Variants in PLBD1 observed in about 807,000 individuals in gnomAD.
The protein encoded by PLBD1 is phospholipase B domain containing 1, also known as lysosomal leucine aminopeptidase.
A neutral mutation model predicts 63.0 loss-of-function variants in PLBD1; 60 were observed. The observed-to-expected ratio is 0.95, with a 90% confidence interval of 0.77 to 1.18. PLBD1 has a LOEUF of 1.18. Among genes scored for constraint, PLBD1 ranks in the 50% most tolerant of loss-of-function variants. PLBD1 has a pLI of 0.00. For missense variants in PLBD1, 598 were observed against 677.9 expected (o/e 0.88, Z 1.31); for synonymous variants, 262 against 248.0 (o/e 1.06, Z -0.53).
At chr12:14,520,948 G>C (rs533208356) in intron 6 of PLBD1, among the ~76,000 whole-genome samples, 1 of 152,284 alleles carries the variant, frequency 6.6e-6, no homozygotes, top group East Asian at 1.9e-4. Context: ...TCTCCTCTGT[G>C]ATCTAAGCTG....
chr12:14,545,537 C>T (rs1369101625), intron 2 of PLBD1, among the ~76,000 whole-genome samples: 2 of 152,196 alleles, frequency 1.3e-5, no homozygotes, highest in East Asian at 3.9e-4. Context: ...AGTCCCTGCA[C>T]CCTCTGGACT....
At position 14,567,625 on chromosome 12, in the gene PLBD1, CA is replaced by C. The variant is rs1945804580; in HGVS notation, c.71del (p.Leu24ArgfsTer6). The C allele has an allele frequency of 2.5e-6, 3 of 1,197,072 alleles. No homozygotes were observed. The highest frequency in any genetic ancestry group is 2.4e-5 in the Admixed American group (1 of 41,068). The allele number at this position is 1,197,072 out of a possible 1,614,324, so 74.2% of individuals were successfully genotyped here. A position where few individuals can be genotyped will look rare whatever the true frequency, so the allele number is the denominator to read the frequency against. ...QPPPLLLLLL[L>X]LPLLLVTAEP... Reference sequence around the variant, plus strand: ...CCGCGGTGACTAACAACAGCGGCAGCAGCAGCAGCAGCAGCAGAAGCGGTGG... The same window carrying C: ...CCGCGGTGACTAACAACAGCGGCAGCGCAGCAGCAGCAGCAGAAGCGGTGG... On this transcript the variant is annotated frameshift_variant, in exon 1 of 11. Transcript: ENST00000240617. LOFTEE classifies it high-confidence loss of function.
intron 2 of PLBD1, among the ~76,000 whole-genome samples, chr12:14,544,898 T>C (rs1945605386): frequency 6.6e-6 from 1 of 152,208 alleles, no homozygotes; most frequent in African/African-American, 2.4e-5. Flanking sequence ...TGTTAAACCA[T>C]TCTAAAAATT....
rs74450244 is a variant in PLBD1, at chr12:14,560,637, C to G, written c.115+6945G>C. Among the ~76,000 whole-genome samples, 1,280 of 152,240 alleles carry G rather than the reference C, an allele frequency of 8.4e-3. 11 individuals are homozygous for G. Among genetic ancestry groups the G allele is most frequent in the African/African-American group, 0.029 (1,193 of 41,544 alleles). ...TTTTGGATTTGTTTTGACTCTTCAT[C>G]GGAGTCACTAACGAAATAACTGATT... On this transcript the variant is annotated intron_variant, in intron 1 of 10. Transcript: ENST00000240617.
chr12:14,522,628 T>C (rs1290538338), intron 6 of PLBD1, among the ~76,000 whole-genome samples: 1 of 152,006 alleles, frequency 6.6e-6, no homozygotes, highest in African/African-American at 2.4e-5. Context: ...ATTTAAAAAC[T>C]GAATTCAACA....
In PLBD1 at chr12:14,522,411, C is replaced by CTGAT. The variant is rs138634696; in HGVS notation, c.845-10704_845-10701dup. On this transcript the variant is annotated intron_variant, in intron 6 of 10. Transcript: ENST00000240617. ...AAAAGCCGAAGACCCAATGGCCTCA[C>CTGAT]TGATGAGTTCTACCAAACATTAAAG... 8.3e-3 allele frequency among the ~76,000 whole-genome samples: 1,270 copies of CTGAT among 152,222 alleles called. 17 individuals carry two copies. The highest frequency in any genetic ancestry group is 0.029 in the African/African-American group (1,204 of 41,538).
At chr12:14,509,044 G>A (rs577323564) in intron 8 of PLBD1, among the ~76,000 whole-genome samples, 1 of 150,358 alleles carries the variant, frequency 6.7e-6, no homozygotes, top group East Asian at 2.0e-4. Context: ...TCATGTATTT[G>A]TTTGGGCAAA....
chr12:14,508,823 T>C (rs1945274501), intron 8 of PLBD1, among the ~76,000 whole-genome samples: 1 of 152,146 alleles, frequency 6.6e-6, no homozygotes, highest in Non-Finnish European at 1.5e-5. Context: ...AACCTGATGA[T>C]GTATAAGTAT....
intron 6 of PLBD1, among the ~76,000 whole-genome samples, chr12:14,522,662 C>A (rs1172978770): frequency 6.6e-6 from 1 of 152,012 alleles, no homozygotes; most frequent in Non-Finnish European, 1.5e-5. Context: ...AATCACTCAC[C>A]ATAATAAATG....
chr12:14,559,148 A>G (rs1387811024), intron 1 of PLBD1, among the ~76,000 whole-genome samples: 1 of 152,226 alleles, frequency 6.6e-6, no homozygotes, highest in Non-Finnish European at 1.5e-5. Flanking sequence ...GGTATGAAAA[A>G]TGTAATAGTG....
chr12:14,566,362 G>T (rs1945781563), intron 1 of PLBD1, among the ~76,000 whole-genome samples: 1 of 152,190 alleles, frequency 6.6e-6, no homozygotes, highest in Non-Finnish European at 1.5e-5. Context: ...ATGATGGAAG[G>T]TAGTGTAATA....
intron 1 of PLBD1, 70 bp downstream of exon 1, chr12:14,567,512 G>C: frequency 7.1e-7 from 1 of 1,399,892 alleles, no homozygotes; most frequent in Non-Finnish European, 9.2e-7. Context: ...GGCCGGACGC[G>C]GGGCACGGGC....
intron 2 of PLBD1, among the ~76,000 whole-genome samples, chr12:14,546,910 T>A (rs1310920035): frequency 1.3e-5 from 2 of 152,106 alleles, no homozygotes; most frequent in Non-Finnish European, 2.9e-5. Flanking sequence ...AGATGGAGTC[T>A]AGCTCTGTCA....
chr12:14,535,676 G>C lies in PLBD1; in HGVS notation c.827C>G (p.Ser276Cys). The change falls in exon 6 of 11, where the codon TCT (serine) becomes TGT (cysteine). Residue 276 changes from serine (S) to cysteine (C), a missense_variant. Transcript: ENST00000240617. ...TCATTTACCTGGGTAACTGCTGAAAGAGAGGCGACTACTGCTGGTATCTTT... is the reference window on the plus strand; with the variant it reads ...TCATTTACCTGGGTAACTGCTGAAACAGAGGCGACTACTGCTGGTATCTTT... ...IDKDTSSSRLSFSSYPGFLES... is the reference protein window; with the variant it reads ...IDKDTSSSRLCFSSYPGFLES... The C allele has an allele frequency of 6.2e-7, 1 of 1,614,022 alleles. No individual in the cohort carries two copies. The highest frequency in any genetic ancestry group is 8.5e-7 in the Non-Finnish European group (1 of 1,179,936).
chr12:14,505,493 A>G (rs1945246657), intron 10 of PLBD1, among the ~76,000 whole-genome samples: 1 of 152,216 alleles, frequency 6.6e-6, no homozygotes, highest in African/African-American at 2.4e-5. Context: ...TTGTGAGGAA[A>G]AAAGTTCCTG....
In PLBD1 at chr12:14,536,786, C is replaced by G. The variant is rs1401762129; in HGVS notation, c.559-76G>C. ...TTCCTGTTTTCCTCTTGTTAGGGAC[C>G]CATTAAATTATTCCCTTGCAGGCTG... On this transcript the variant is annotated intron_variant, in intron 4 of 10. Coordinates refer to ENST00000240617, the MANE Select transcript of PLBD1 (RefSeq NM_024829.6). 3.2e-6 allele frequency: 5 copies of G among 1,554,966 alleles called. No homozygotes were observed. In the African/African-American group the frequency reaches 6.8e-5, roughly 21 times the overall value.
intron 6 of PLBD1, among the ~76,000 whole-genome samples, chr12:14,534,060 A>C (rs1329755302): frequency 6.6e-6 from 1 of 152,156 alleles, no homozygotes; most frequent in Non-Finnish European, 1.5e-5. Context: ...AGGCAAGAGG[A>C]TCATTTGAGC....
intron 6 of PLBD1, among the ~76,000 whole-genome samples, chr12:14,518,533 A>G (rs1277252556): frequency 6.6e-6 from 1 of 152,222 alleles, no homozygotes; most frequent in Non-Finnish European, 1.5e-5. Context: ...CAGGATGAAT[A>G]GAAAGCAAGT....
At chr12:14,551,482 T>C (rs1410572072) in intron 2 of PLBD1, among the ~76,000 whole-genome samples, 2 of 152,350 alleles carry the variant, frequency 1.3e-5, no homozygotes, top group Admixed American at 6.5e-5. Context: ...AGGTCAATGC[T>C]TTATCTAAAA....
Sources: allele counts gnomAD v4.1 joint callset (sites outside exome capture counted in the v4.1 genomes callset), GRCh38; gene constraint gnomAD v4.1.1; transcripts MANE v1.5; gene names NCBI Gene and HGNC (gene_info 2026-07-23, HGNC 2026-07-21).